The following MDGA2 variants were observed in gnomAD, a reference collection of about 807,000 sequenced individuals.
MDGA2 encodes the protein MAM domain-containing glycosylphosphatidylinositol anchor protein 2.
Under a neutral mutation model 117.8 loss-of-function variants are expected in MDGA2, and 40 were observed. The observed-to-expected ratio is 0.34, with a 90% confidence interval of 0.26 to 0.44. MDGA2 has a LOEUF of 0.44. Ranked by LOEUF, MDGA2 falls within the 20% of genes least tolerant of loss-of-function variation. The pLI is 1.00. For missense variants in MDGA2, 1,123 were observed against 1,250.6 expected, an observed-to-expected ratio of 0.90 and a Z score of 1.54; for synonymous variants, 452 against 439.0, an observed-to-expected ratio of 1.03 and a Z score of -0.37.
intron 1 of MDGA2, among the ~76,000 whole-genome samples, chr14:47,412,005 C>T (rs114835685): frequency 0.013 from 2,033 of 152,268 alleles, 49 homozygotes; most frequent in African/African-American, 0.046. Flanking sequence ...GTTAAGAAGC[C>T]TGTCTAAAGT....
chr14:47,582,986 T>A (rs1392338016), intron 1 of MDGA2, among the ~76,000 whole-genome samples: 1 of 151,858 alleles, frequency 6.6e-6, no homozygotes, highest in Non-Finnish European at 1.5e-5. Flanking sequence ...GATGGGTAAA[T>A]AACACCAAAT....
intron 2 of MDGA2, among the ~76,000 whole-genome samples, chr14:47,254,521 G>A (rs929906743): frequency 6.6e-6 from 1 of 152,154 alleles, no homozygotes; most frequent in Non-Finnish European, 1.5e-5. Context: ...CGGACTGGAC[G>A]TCATTGTCCT....
At chr14:47,581,478 T>C (rs1406195488) in intron 1 of MDGA2, among the ~76,000 whole-genome samples, 1 of 151,996 alleles carries the variant, frequency 6.6e-6, no homozygotes, top group African/African-American at 2.4e-5. Flanking sequence ...CACTTTAGAA[T>C]GAACTTAGCT....
At chr14:47,182,067 G>A (rs534547727) in intron 3 of MDGA2, among the ~76,000 whole-genome samples, 21 of 152,110 alleles carry the variant, frequency 1.4e-4, no homozygotes, top group Non-Finnish European at 2.8e-4. Context: ...AGTTTAACAC[G>A]TTAATCTATG....
At chr14:47,076,121 G>A (rs1210934122) in intron 6 of MDGA2, among the ~76,000 whole-genome samples, 1 of 151,920 alleles carries the variant, frequency 6.6e-6, no homozygotes, top group Non-Finnish European at 1.5e-5. Context: ...AAATGGGTAC[G>A]ATTAGTGATG....
intron 3 of MDGA2, among the ~76,000 whole-genome samples, chr14:47,154,061 A>C (rs1883269727): frequency 6.6e-6 from 1 of 152,170 alleles, no homozygotes; most frequent in Admixed American, 6.5e-5. Flanking sequence ...CATAAAAAAT[A>C]AAAAAAGTAG....
At chr14:47,077,705 T>C (rs1184590793) in intron 6 of MDGA2, among the ~76,000 whole-genome samples, 2 of 151,444 alleles carry the variant, frequency 1.3e-5, no homozygotes, top group Non-Finnish European at 2.9e-5. Flanking sequence ...AGAACTGACA[T>C]TGATGAAAAA....
At chr14:47,577,210 G>A in intron 1 of MDGA2, among the ~76,000 whole-genome samples, 1 of 152,040 alleles carries the variant, frequency 6.6e-6, no homozygotes, top group East Asian at 1.9e-4. Context: ...AATGGTGCTG[G>A]GAAAACTGGC....
chr14:47,300,271 T>C (rs1180226865), intron 2 of MDGA2, among the ~76,000 whole-genome samples: 2 of 152,212 alleles, frequency 1.3e-5, no homozygotes, highest in South Asian at 4.1e-4. Flanking sequence ...TTTTGTCTAC[T>C]GAGTGAAACT....
chr14:47,093,646 A>C (rs1392025138), intron 6 of MDGA2, among the ~76,000 whole-genome samples: 2 of 152,154 alleles, frequency 1.3e-5, no homozygotes, highest in Non-Finnish European at 2.9e-5. Flanking sequence ...ATGTTCTCCC[A>C]AAGTAGTAAA....
intron 1 of MDGA2, among the ~76,000 whole-genome samples, chr14:47,591,077 T>C (rs1481395041): frequency 6.6e-6 from 1 of 152,068 alleles, no homozygotes; most frequent in African/African-American, 2.4e-5. Context: ...AATAGAACTT[T>C]GATAAGTCAA....
chr14:47,045,127 T>C (rs1889210592), intron 7 of MDGA2, among the ~76,000 whole-genome samples: 1 of 152,076 alleles, frequency 6.6e-6, no homozygotes, highest in East Asian at 1.9e-4. Context: ...AGAAAATCAT[T>C]CTCTGCATGG....
At chr14:46,882,446 T>C (rs1403674174) in intron 10 of MDGA2, among the ~76,000 whole-genome samples, 1 of 151,630 alleles carries the variant, frequency 6.6e-6, no homozygotes, top group Non-Finnish European at 1.5e-5. Flanking sequence ...ATAGATTTAA[T>C]ATATCATCTA....
At chr14:46,947,174 C>T (rs757331013) in intron 9 of MDGA2, among the ~76,000 whole-genome samples, 2 of 152,022 alleles carry the variant, frequency 1.3e-5, no homozygotes, top group South Asian at 2.1e-4. Flanking sequence ...ATTGTGTCCT[C>T]GCAATTAATT....
rs149303249 is a variant in MDGA2, at chr14:46,922,808, G to A, written c.2090-2648C>T. Among the ~76,000 whole-genome samples, 168 of 152,298 alleles carry A rather than the reference G, an allele frequency of 1.1e-3. 1 individual carries two copies. The highest frequency in any genetic ancestry group is 3.6e-3 in the African/African-American group (150 of 41,566). Reference sequence around the variant, plus strand: ...TTGGTCTTCTTCCTCCTCTGAGACTGGCAGCAGCATGCCTGATCCAACAGC... The same window carrying A: ...TTGGTCTTCTTCCTCCTCTGAGACTAGCAGCAGCATGCCTGATCCAACAGC... On this transcript the variant is annotated intron_variant, in intron 9 of 16. Transcript: ENST00000399232.
At chr14:47,312,768 G>C (rs1053789075) in intron 1 of MDGA2, among the ~76,000 whole-genome samples, 2 of 127,712 alleles carry the variant, frequency 1.6e-5, no homozygotes, top group African/African-American at 6.0e-5. Flanking sequence ...AGCCTCATAT[G>C]ATCCTCCCAC....
At chr14:47,523,819 G>T (rs1482435338) in intron 1 of MDGA2, among the ~76,000 whole-genome samples, 1 of 152,120 alleles carries the variant, frequency 6.6e-6, no homozygotes, top group Admixed American at 6.6e-5. Flanking sequence ...AGCTGCTTTT[G>T]CCTTAGTTTG....
chr14:47,301,493 C>T lies in MDGA2; in HGVS notation c.338G>A (p.Arg113His), dbSNP rs756088903. Residue 113 changes from arginine (R) to histidine (H), a missense_variant, in exon 2 of 17, where the codon CGC becomes CAC. This residue lies in a region of MDGA2 where 233 missense variants were observed against 200.3 expected (regional missense o/e 1.16). Transcript: ENST00000399232. Reference sequence around the variant, plus strand: ...GATAGTGTAGACCCTTTCGGAGTAGCGCTCCTCTTCAATGTTACAGGCCAA... The same window carrying T: ...GATAGTGTAGACCCTTTCGGAGTAGTGCTCCTCTTCAATGTTACAGGCCAA... ...SGLACNIEEE[R>H]YSERVYTIRE... The T allele has an allele frequency of 3.0e-5, 46 of 1,551,614 alleles. No individual in the cohort carries two copies. In the Admixed American group the frequency reaches 4.7e-4, roughly 16 times the overall value.
intron 1 of MDGA2, among the ~76,000 whole-genome samples, chr14:47,588,562 T>C (rs1010370025): frequency 1.3e-5 from 2 of 151,880 alleles, no homozygotes; most frequent in Non-Finnish European, 2.9e-5. Flanking sequence ...CTTTGGCCAT[T>C]TTTTAATTGA....
Sources: gnomAD v4.1 joint callset for allele counts (sites outside exome capture counted in the v4.1 genomes callset) on GRCh38, gnomAD v4.1.1 for gene constraint, gnomAD v4.1.1 regional missense constraint, MANE v1.5 for transcripts, NCBI Gene and HGNC (gene_info 2026-07-23, HGNC 2026-07-21) for gene names.